The following NT5C1A variants were observed in gnomAD, a reference collection of about 807,000 sequenced individuals.
The protein encoded by NT5C1A is cytosolic 5'-nucleotidase 1A.
NT5C1A carries 18 observed loss-of-function variants against 31.0 expected under a neutral mutation model. That is an observed-to-expected ratio of 0.58 (90% CI 0.40 to 0.86). NT5C1A has a LOEUF of 0.86. Ranked by LOEUF, NT5C1A falls within the 40% of genes least tolerant of loss-of-function variation. NT5C1A has a pLI of 0.00. For missense variants in NT5C1A, 470 were observed against 505.4 expected (o/e 0.93, Z 0.67); for synonymous variants, 185 against 203.6 (o/e 0.91, Z 0.78).
chr1:39,668,035 G>A (rs1376424538), intron 1 of NT5C1A, among the ~76,000 whole-genome samples: 1 of 152,234 alleles, frequency 6.6e-6, no homozygotes, highest in African/African-American at 2.4e-5. Flanking sequence ...TGGTGTATGT[G>A]GCCAGCAAGG....
intron 1 of NT5C1A, among the ~76,000 whole-genome samples, chr1:39,667,648 A>G (rs1199805873): frequency 6.6e-6 from 1 of 152,170 alleles, no homozygotes; most frequent in African/African-American, 2.4e-5. Flanking sequence ...AGTGGTTACC[A>G]TCTGAGAGAC....
At chr1:39,667,145 C>T (rs1646527877) in intron 1 of NT5C1A, among the ~76,000 whole-genome samples, 1 of 152,104 alleles carries the variant, frequency 6.6e-6, no homozygotes, top group Non-Finnish European at 1.5e-5. Flanking sequence ...CTTCCAATCC[C>T]CTAGCTTTGC....
intron 2 of NT5C1A, 92 bp downstream of exon 2, chr1:39,665,977 G>A: frequency 4.1e-6 from 5 of 1,212,214 alleles, no homozygotes; most frequent in Non-Finnish European, 5.8e-6. Context: ...GCCCAGAGGG[G>A]CCCTTTCACC....
At chr1:39,666,257 G>A in intron 1 of NT5C1A, 21 bp from the exon 2 acceptor site, 1 of 1,611,566 alleles carries the variant, frequency 6.2e-7, no homozygotes, top group Admixed American at 1.7e-5. Flanking sequence ...ATGGGAGAAG[G>A]GGTTGTCACT....
chr1:39,668,206 G>T (rs1646533359), intron 1 of NT5C1A, among the ~76,000 whole-genome samples: 1 of 152,218 alleles, frequency 6.6e-6, no homozygotes. Flanking sequence ...GAGGCCTTTG[G>T]AACAGGAGCT....
At position 39,659,276 on chromosome 1, in the gene NT5C1A, G is replaced by A. The variant is rs763613965; in HGVS notation, c.952C>T (p.Leu318Phe). ...AAGATGTGTGGGCGGATCTTCTCAA[G>A]GAGAGGGCCCTTGGGCGCTCCAGCA... ...FLAGAPKGPL[L>F]EKIRPHIFFD... The change falls in exon 6 of 6, where the codon CTT becomes TTT. Residue 318 changes from leucine (L) to phenylalanine (F), a missense_variant. Physicochemically the swap from Leu to Phe is conservative, Grantham distance 22. Transcript: ENST00000235628. The A allele has an allele frequency of 6.8e-6, 11 of 1,614,014 alleles. No homozygotes were observed. In the Admixed American group the frequency reaches 1.8e-4, roughly 27 times the overall value.
In NT5C1A at chr1:39,657,434, C is replaced by T. The variant is rs1364401585; in HGVS notation, c.*1687G>A. On this transcript the variant is annotated 3_prime_UTR_variant, in exon 6 of 6. Coordinates refer to ENST00000235628, the MANE Select transcript of NT5C1A (RefSeq NM_032526.3). ...CTTCCCCTATTTCCTACCACCACAT[C>T]TCCAGGCTTCTGCCCCTCTCATGAT... is the stretch of plus-strand genomic sequence containing the variant. Among the ~76,000 whole-genome samples, 1 of 152,242 alleles carries T rather than the reference C, an allele frequency of 6.6e-6. No homozygotes were observed. The highest frequency in any genetic ancestry group is 1.9e-4 in the East Asian group (1 of 5,192).
intron 5 of NT5C1A, among the ~76,000 whole-genome samples, chr1:39,660,231 C>T (rs896507905): frequency 2.0e-5 from 3 of 152,164 alleles, no homozygotes; most frequent in East Asian, 1.9e-4. Flanking sequence ...AGAGGCAACT[C>T]GCAAGAACAG....
At position 39,655,188 on chromosome 1, in the gene NT5C1A, C is replaced by T. The variant is rs182673601; in HGVS notation, c.*3933G>A. Among the ~76,000 whole-genome samples the T allele has an allele frequency of 2.1e-4, 32 of 152,342 alleles. No individual in the cohort carries two copies. The East Asian group carries it at 6.2e-3, about 29-fold the overall frequency. ...ATCTCCTGACCTTGTGATCCACCCG[C>T]CTTGGCCTCCCAAAGTGCTGGGATT... is the stretch of plus-strand genomic sequence containing the variant. On this transcript the variant is annotated 3_prime_UTR_variant, in exon 6 of 6. Transcript: ENST00000235628.
At position 39,671,912 on chromosome 1, in the gene NT5C1A, G is replaced by T. The variant is rs1297520973; in HGVS notation, c.127C>A (p.Pro43Thr). ...CCGTGCATTGCTTTTACCGATTTGGGTTTCTTCTTGGGCGCGAGGTTGTCG... is the reference window on the plus strand; with the variant it reads ...CCGTGCATTGCTTTTACCGATTTGGTTTTCTTCTTGGGCGCGAGGTTGTCG... ...FYDNLAPKKK[P>T]KSPKPQNAVT... Residue 43 changes from proline (P) to threonine (T), a missense_variant, in exon 1 of 6, where the codon CCC becomes ACC. By Grantham distance (38) the Pro-to-Thr change is conservative. Transcript: ENST00000235628. 6.2e-7 allele frequency: 1 copy of T among 1,613,546 alleles called. No individual in the cohort carries two copies.
At chr1:39,670,518 G>A (rs372569239) in intron 1 of NT5C1A, among the ~76,000 whole-genome samples, 4 of 152,238 alleles carry the variant, frequency 2.6e-5, no homozygotes, top group South Asian at 2.1e-4. Context: ...AACATAGTCC[G>A]AAGAAGAAAG....
chr1:39,652,245 G>A lies in NT5C1A; in HGVS notation c.*6876C>T, dbSNP rs191531048. Among the ~76,000 whole-genome samples, 33 of 152,036 alleles carry A rather than the reference G, an allele frequency of 2.2e-4. No individual in the cohort carries two copies. Among genetic ancestry groups the A allele is most frequent in the African/African-American group, 8.0e-4 (33 of 41,470 alleles). On this transcript the variant is annotated 3_prime_UTR_variant, in exon 6 of 6. Coordinates refer to ENST00000235628, the MANE Select transcript of NT5C1A (RefSeq NM_032526.3). ...GCGGATGCAAACTGGAGATTCAAGG[G>A]CCGGATCTCGCCTACAGAATATGTT...
intron 3 of NT5C1A, among the ~76,000 whole-genome samples, chr1:39,663,675 GT>G (rs1265186417): frequency 6.7e-6 from 1 of 148,214 alleles, no homozygotes; most frequent in Non-Finnish European, 1.5e-5. Flanking sequence ...AGGAATCACA[GT>G]GCTACATGCC....
At chr1:39,668,697 C>T (rs1646535230) in intron 1 of NT5C1A, among the ~76,000 whole-genome samples, 1 of 152,242 alleles carries the variant, frequency 6.6e-6, no homozygotes, top group Admixed American at 6.5e-5. Flanking sequence ...TCCCTGGAAA[C>T]ATCTCCCCCA....
intron 5 of NT5C1A, 75 bp downstream of exon 5, chr1:39,661,004 C>A: frequency 1.2e-6 from 1 of 826,776 alleles, no homozygotes; most frequent in Non-Finnish European, 2.0e-6. Context: ...TGCTTCCAGG[C>A]TGGGAGTGCA....
intron 4 of NT5C1A, 89 bp from the exon 5 acceptor site, chr1:39,661,352 C>T: frequency 1.6e-6 from 1 of 638,746 alleles, no homozygotes. Context: ...CCCCACCTGC[C>T]TCATACAGGA....
Position 39,657,726 on chromosome 1 carries a change from A to G in NT5C1A, c.*1395T>C, listed in dbSNP as rs1646471002. On this transcript the variant is annotated 3_prime_UTR_variant, in exon 6 of 6. Transcript: ENST00000235628. The stretch of plus-strand genomic sequence containing the variant: ...TGTGGAGGATCCGCTGATGCATTTC[A>G]TGGGGAGGTTATCTCATCCTGGAAG... Among the ~76,000 whole-genome samples the G allele has an allele frequency of 6.6e-6, 1 of 152,224 alleles. No homozygotes were observed. The highest frequency in any genetic ancestry group is 2.4e-5 in the African/African-American group (1 of 41,458).
chr1:39,671,765 AGCT>A lies in NT5C1A; in HGVS notation c.135+136_135+138del, dbSNP rs59531666. 4.6e-3 allele frequency: 4,657 copies of A among 1,012,362 alleles called. 148 individuals carry two copies. In the African/African-American group the frequency reaches 0.065, roughly 14 times the overall value. The allele number at this position is 1,012,362 out of a possible 1,614,324, so 62.7% of individuals were successfully genotyped here. A position where few individuals can be genotyped will look rare whatever the true frequency, so the allele number is the denominator to read the frequency against. ...CCCAAAATAAACCCGAGCCCGCGCC[AGCT>A]GCAGGGCGCATTCTGGGGCTGAGGA... On this transcript the variant is annotated intron_variant, in intron 1 of 5. Coordinates refer to ENST00000235628, the MANE Select transcript of NT5C1A (RefSeq NM_032526.3).
chr1:39,660,160 C>T (rs1051428157), intron 5 of NT5C1A, among the ~76,000 whole-genome samples: 1 of 152,186 alleles, frequency 6.6e-6, no homozygotes, highest in Non-Finnish European at 1.5e-5. Flanking sequence ...GCAGTGGTCT[C>T]CTGGGCCTCT....
Sources: allele counts gnomAD v4.1 joint callset (sites outside exome capture counted in the v4.1 genomes callset), GRCh38; gene constraint gnomAD v4.1.1; transcripts MANE v1.5; gene names NCBI Gene and HGNC (gene_info 2026-07-23, HGNC 2026-07-21).